LAMA2: variants seen among roughly 807,000 people sequenced by gnomAD.
LAMA2 encodes the protein laminin subunit alpha-2.
Under a neutral mutation model 364.8 loss-of-function variants are expected in LAMA2, and 269 were observed. That is an observed-to-expected ratio of 0.74 (90% confidence interval 0.67 to 0.82). The LOEUF is 0.82. Ranked by LOEUF, LAMA2 falls within the 40% of genes least tolerant of loss-of-function variation. LAMA2 has a pLI of 0.00. For missense variants in LAMA2, 3,807 were observed against 3,873.2 expected (o/e 0.98, Z 0.45); for synonymous variants, 1,379 against 1,370.6 (o/e 1.01, Z -0.14).
intron 44 of LAMA2, 108 bp downstream of exon 44, chr6:129,443,176 T>C: frequency 4.1e-6 from 3 of 728,310 alleles, no homozygotes; most frequent in East Asian, 5.2e-5. Flanking sequence ...CTTTAAACAT[T>C]GCGTAGCTAT....
rs141479751 is a variant in LAMA2 at position 129,507,513 on chromosome 6, G to A, written c.8728G>A (p.Val2910Ile). Residue 2910 changes from valine to isoleucine, a missense_variant, in exon 62 of 65, where the codon GTC (valine) becomes ATC (isoleucine). Val to Ile is a conservative substitution (Grantham distance 29). Around this residue, in one of 3 missense-constraint regions of LAMA2, gnomAD observed 3,333 missense variants for 3,345.7 expected, o/e 1.00. Transcript: ENST00000421865. Reference protein sequence around the residue: ...GPVTYSIDGCVRNLHMAEAPA... With the variant: ...GPVTYSIDGCIRNLHMAEAPA... Reference sequence around the variant, plus strand: ...GGTGACCTATAGCATTGATGGCTGCGTCAGGAATCTCCACATGGCAGAGGC... The same window carrying A: ...GGTGACCTATAGCATTGATGGCTGCATCAGGAATCTCCACATGGCAGAGGC... The A allele has an allele frequency of 4.8e-4, 776 of 1,614,138 alleles. 3 individuals carry two copies. In the African/African-American group the frequency reaches 5.0e-3, roughly 10 times the overall value.
chr6:129,052,030 G>C (rs1266884339), intron 2 of LAMA2, among the ~76,000 whole-genome samples: 1 of 150,948 alleles, frequency 6.6e-6, no homozygotes, highest in Non-Finnish European at 1.5e-5. Flanking sequence ...GAGAGAGAGA[G>C]AAAGGAGGTA....
chr6:129,076,506 T>TA (rs397785590), intron 3 of LAMA2, among the ~76,000 whole-genome samples: 46 of 71,968 alleles, frequency 6.4e-4, no homozygotes, highest in African/African-American at 4.0e-3. Flanking sequence ...TATAAATATA[T>TA]ATATATAATA....
intron 1 of LAMA2, among the ~76,000 whole-genome samples, chr6:128,995,532 C>A (rs1306720653): frequency 6.6e-6 from 1 of 152,134 alleles, no homozygotes; most frequent in African/African-American, 2.4e-5. Flanking sequence ...CCGTGTTGGC[C>A]GGGCTGGTCT....
intron 3 of LAMA2, among the ~76,000 whole-genome samples, chr6:129,077,030 A>G (rs1399465272): frequency 6.6e-6 from 1 of 152,156 alleles, no homozygotes; most frequent in East Asian, 1.9e-4. Flanking sequence ...AAGATGAATA[A>G]TCTTCAAAAG....
intron 12 of LAMA2, among the ~76,000 whole-genome samples, chr6:129,236,746 CAT>C (rs1194790009): frequency 6.6e-6 from 1 of 151,496 alleles, no homozygotes; most frequent in East Asian, 1.9e-4. Context: ...CACTCACACA[CAT>C]ATAAGTATAT....
intron 1 of LAMA2, among the ~76,000 whole-genome samples, chr6:128,968,702 C>T (rs1374390156): frequency 6.6e-6 from 1 of 152,022 alleles, no homozygotes; most frequent in Admixed American, 6.6e-5. Context: ...GGAACAGAAA[C>T]AAGGCCCTAA....
intron 63 of LAMA2, among the ~76,000 whole-genome samples, chr6:129,513,401 A>T (rs956476488): frequency 6.6e-5 from 10 of 152,160 alleles, no homozygotes; most frequent in Admixed American, 5.9e-4. Flanking sequence ...TTCAAGTAAC[A>T]TGCTCTTAAG....
intron 1 of LAMA2, among the ~76,000 whole-genome samples, chr6:128,908,051 G>T (rs9398889): frequency 0.56 from 84,771 of 150,970 alleles, 26,655 homozygotes; most frequent in East Asian, 0.81. Flanking sequence ...ATTTTATTGA[G>T]GATTTTTGCA....
chr6:129,131,908 T>C lies in LAMA2; in HGVS notation c.640-11993T>C, dbSNP rs185373120. On this transcript the variant is annotated intron_variant, in intron 4 of 64. Transcript: ENST00000421865. ...GGTGGCTCTAACAAAATTTTAAGTA[T>C]GAAGTCAGATGTATAGAGGATCCCT... Among the ~76,000 whole-genome samples the C allele has an allele frequency of 6.0e-3, 914 of 152,344 alleles. 8 individuals carry two copies. The highest frequency in any genetic ancestry group is 0.021 in the African/African-American group (875 of 41,580).
Position 129,175,554 on chromosome 6 carries a change from A to C in LAMA2, c.1307-2152A>C, listed in dbSNP as rs566313291. 3.9e-5 allele frequency among the ~76,000 whole-genome samples: 6 copies of C among 152,322 alleles called. No individual in the cohort carries two copies. In the East Asian group the frequency reaches 1.2e-3, roughly 29 times the overall value. ...ATTTTTATATGACCATAAGAGTTTC[A>C]AGTTTTGAAAACAGTCTGTAAAAAT... is the stretch of plus-strand genomic sequence containing the variant. On this transcript the variant is annotated intron_variant, in intron 9 of 64. Coordinates refer to ENST00000421865, the MANE Select transcript of LAMA2 (RefSeq NM_000426.4).
At chr6:129,384,997 A>G (rs1778899227) in intron 35 of LAMA2, among the ~76,000 whole-genome samples, 2 of 133,018 alleles carry the variant, frequency 1.5e-5, no homozygotes, top group African/African-American at 5.6e-5. Context: ...CTAAATGTTC[A>G]TTGAGATGTA....
At chr6:129,119,373 G>A (rs767973977) in intron 4 of LAMA2, among the ~76,000 whole-genome samples, 87 of 151,884 alleles carry the variant, frequency 5.7e-4, no homozygotes, top group South Asian at 2.1e-4. Context: ...CTCCACTGAC[G>A]GTCCTTCAGG....
chr6:129,359,641 C>T (rs569334298), intron 32 of LAMA2, among the ~76,000 whole-genome samples: 140 of 152,208 alleles, frequency 9.2e-4, no homozygotes, highest in Middle Eastern at 3.4e-3. Flanking sequence ...TTAACATACA[C>T]ACATTAACAC....
intron 12 of LAMA2, among the ~76,000 whole-genome samples, chr6:129,216,692 TAAAG>T (rs963162078): frequency 4.3e-4 from 65 of 152,220 alleles, no homozygotes; most frequent in African/African-American, 1.5e-3. Context: ...CAGTAAATAA[TAAAG>T]AAAACTAATA....
At chr6:129,512,553 T>C (rs1786682505) in intron 63 of LAMA2, 60 bp downstream of exon 63, 2 of 1,577,686 alleles carry the variant, frequency 1.3e-6, no homozygotes, top group Admixed American at 3.3e-5. Flanking sequence ...TGTGTAGATA[T>C]CATCCATGTG....
In LAMA2 at chr6:128,957,061, G is replaced by A. The variant is rs139715289; in HGVS notation, c.112+73704G>A. On this transcript the variant is annotated intron_variant, in intron 1 of 64. Transcript: ENST00000421865. ...GGACACTCTTCTGTGTTTCACTATG[G>A]TACCAAGAAATTTGCCAGGGAAAGA... Among the ~76,000 whole-genome samples the A allele has an allele frequency of 9.3e-3, 1,411 of 152,148 alleles. 11 individuals carry two copies. Among genetic ancestry groups the A allele is most frequent in the South Asian group, 0.02 (98 of 4,810 alleles).
chr6:129,429,228 G>T (rs1781473430), intron 41 of LAMA2, among the ~76,000 whole-genome samples: 1 of 152,074 alleles, frequency 6.6e-6, no homozygotes, highest in Non-Finnish European at 1.5e-5. Context: ...CACAATCATG[G>T]ACTAATTAAT....
chr6:129,076,507 A>AT (rs1345891819), intron 3 of LAMA2, among the ~76,000 whole-genome samples: 280 of 112,692 alleles, frequency 2.5e-3, no homozygotes, highest in African/African-American at 8.2e-3. Context: ...ATAAATATAT[A>AT]TATATAATAT....
Sources: allele counts gnomAD v4.1 joint callset (sites outside exome capture counted in the v4.1 genomes callset), GRCh38; gene constraint gnomAD v4.1.1; regional missense constraint gnomAD v4.1.1; transcripts MANE v1.5; gene names NCBI Gene and HGNC (gene_info 2026-07-23, HGNC 2026-07-21).